Variants in ZNRF3 observed in about 807,000 individuals in gnomAD.
ZNRF3 encodes the protein E3 ubiquitin-protein ligase ZNRF3.
Under a neutral mutation model 72.5 loss-of-function variants are expected in ZNRF3, and 23 were observed. The observed-to-expected ratio is 0.32, with a 90% CI of 0.23 to 0.45. The LOEUF (loss-of-function observed/expected upper bound fraction) is 0.45. Ranked by LOEUF, ZNRF3 falls within the 20% of genes least tolerant of loss-of-function variation. The pLI is 1.00. For synonymous variants in ZNRF3, 610 were observed against 545.3 expected, an observed-to-expected ratio of 1.12 and a Z score of -1.65; for missense variants, 1,169 against 1,272.1, an observed-to-expected ratio of 0.92 and a Z score of 1.23.
At position 29,049,294 on chromosome 22, in the gene ZNRF3, C is replaced by G. The variant is rs745608644; in HGVS notation, c.1113C>G (p.Arg371=). The part of the protein sequence containing the change: ...RVTLPVHYPG[R]VHRTNAIPAY... ...CCCTGCCGGTGCATTACCCCGGCCG[C>G]GTGCACAGGACCAACGCCATCCCAG... is the stretch of plus-strand genomic sequence containing the variant. The change falls in exon 8 of 9, where the codon CGC becomes CGG. Residue 371 remains arginine, a synonymous_variant. Coordinates refer to ENST00000544604, the MANE Select transcript of ZNRF3 (RefSeq NM_001206998.2). This position sits in a 1 kb window ranked among gnomAD's most constrained non-coding sequence, Gnocchi z 5.2. The G allele has an allele frequency of 3.7e-6, 6 of 1,613,848 alleles. No individual in the cohort carries two copies. The highest frequency in any genetic ancestry group is 2.2e-5 in the East Asian group (1 of 44,878).
intron 4 of ZNRF3, 58 bp from the exon 5 acceptor site, chr22:29,044,722 G>A: frequency 1.7e-6 from 2 of 1,207,658 alleles, no homozygotes; most frequent in South Asian, 1.2e-5. Flanking sequence ...GATAGCCCAT[G>A]TGCCGCTTAC....
At chr22:29,040,214 C>T (rs2036936761) in intron 2 of ZNRF3, among the ~76,000 whole-genome samples, 1 of 151,630 alleles carries the variant, frequency 6.6e-6, no homozygotes, top group African/African-American at 2.4e-5. Flanking sequence ...GAGTCTCACT[C>T]TGTCGCCCAG....
chr22:28,907,706 C>T (rs1013770907), intron 1 of ZNRF3, among the ~76,000 whole-genome samples: 3 of 152,168 alleles, frequency 2.0e-5, no homozygotes, highest in Non-Finnish European at 2.9e-5. Flanking sequence ...TTCTCCACAC[C>T]CCTGTACCCC....
Position 28,995,527 on chromosome 22 carries a change from A to T in ZNRF3, c.426+8326A>T, listed in dbSNP as rs553029063. ...GTGATGGAGTGTGGTTGGTACTTAA[A>T]GGAAAAAGAACTCAGGAAGAATCCA... is the stretch of plus-strand genomic sequence containing the variant. On this transcript the variant is annotated intron_variant, in intron 2 of 8. Transcript: ENST00000544604. 2.0e-5 allele frequency among the ~76,000 whole-genome samples: 3 copies of T among 152,326 alleles called. No individual in the cohort carries two copies. In the South Asian group the frequency reaches 6.2e-4, roughly 32 times the overall value.
intron 3 of ZNRF3, among the ~76,000 whole-genome samples, chr22:29,042,998 C>T (rs1246926312): frequency 6.6e-6 from 1 of 152,054 alleles, no homozygotes; most frequent in African/African-American, 2.4e-5. Context: ...TGGTCTTGAA[C>T]TCTTGACCTT....
intron 2 of ZNRF3, among the ~76,000 whole-genome samples, chr22:29,023,265 G>A (rs185952338): frequency 1.9e-4 from 29 of 152,152 alleles, no homozygotes; most frequent in Non-Finnish European, 2.8e-4. Flanking sequence ...TACAGAAGTC[G>A]GGGCAGGGTT....
At chr22:29,053,182 C>G (rs536556648) in intron 8 of ZNRF3, among the ~76,000 whole-genome samples, 1 of 152,314 alleles carries the variant, frequency 6.6e-6, no homozygotes, top group Admixed American at 6.5e-5. Context: ...ACTCCAGCCC[C>G]CTCTGAGATC....
At chr22:29,018,281 T>C in intron 2 of ZNRF3, 1 of 251,628 alleles carries the variant, frequency 4.0e-6, no homozygotes. Flanking sequence ...CACTTGAAAA[T>C]GATTCTTTAT....
At chr22:29,015,099 A>C (rs2036410000) in intron 2 of ZNRF3, among the ~76,000 whole-genome samples, 1 of 151,940 alleles carries the variant, frequency 6.6e-6, no homozygotes, top group Admixed American at 6.5e-5. Flanking sequence ...CTGCTAAGAA[A>C]TAAAATGAAG....
chr22:28,944,616 G>A (rs528580587), intron 1 of ZNRF3, among the ~76,000 whole-genome samples: 273 of 152,228 alleles, frequency 1.8e-3, no homozygotes, highest in African/African-American at 6.1e-3. Context: ...TTAGCCGGGC[G>A]TGGTGGCGCA....
chr22:28,998,547 A>G (rs1405913237), intron 2 of ZNRF3, among the ~76,000 whole-genome samples: 1 of 152,236 alleles, frequency 6.6e-6, no homozygotes, highest in East Asian at 1.9e-4. Flanking sequence ...CAGATCAGAA[A>G]GAAAAGATTG....
intron 1 of ZNRF3, among the ~76,000 whole-genome samples, chr22:28,916,186 C>T (rs1279428289): frequency 6.6e-6 from 1 of 152,078 alleles, no homozygotes; most frequent in Non-Finnish European, 1.5e-5. Flanking sequence ...CTTAGCCTCC[C>T]GAGTAGCTGG....
chr22:28,908,803 T>A (rs1373413490), intron 1 of ZNRF3, among the ~76,000 whole-genome samples: 2 of 152,182 alleles, frequency 1.3e-5, no homozygotes, highest in Non-Finnish European at 2.9e-5. Flanking sequence ...GGTGATTAGA[T>A]TTGTCTGGGT....
intron 1 of ZNRF3, among the ~76,000 whole-genome samples, chr22:28,894,338 C>CT (rs139430): frequency 0.32 from 44,123 of 139,248 alleles, 7,587 homozygotes; most frequent in East Asian, 0.48. Flanking sequence ...AAAATACTGG[C>CT]TTTTTTTTTT....
intron 8 of ZNRF3, 71 bp from the exon 9 acceptor site, chr22:29,053,508 C>G (rs368866170): frequency 5.2e-5 from 79 of 1,517,906 alleles, no homozygotes; most frequent in Non-Finnish European, 6.6e-5. Context: ...ACAGGGCCAC[C>G]TGAGTCCCTT....
chr22:29,022,720 C>G (rs962292651), intron 2 of ZNRF3, among the ~76,000 whole-genome samples: 25 of 152,192 alleles, frequency 1.6e-4, no homozygotes, highest in African/African-American at 6.0e-4. Context: ...TACAGATACT[C>G]ACTTTAAAAT....
In ZNRF3 at chr22:29,053,632, G is replaced by C. The variant is rs1443150334; in HGVS notation, c.*10G>C. The stretch of plus-strand genomic sequence containing the variant: ...CAGCCCGGGAGCCTGAGCTCAGGAG[G>C]AACTCTTACCTGGAAATTGGGAACT... On this transcript the variant is annotated 3_prime_UTR_variant, in exon 9 of 9. Transcript: ENST00000544604. The C allele has an allele frequency of 1.2e-6, 2 of 1,612,414 alleles. No homozygotes were observed. Among genetic ancestry groups the C allele is most frequent in the South Asian group, 2.2e-5 (2 of 90,892 alleles).
chr22:28,947,735 G>C (rs754895281), intron 1 of ZNRF3, among the ~76,000 whole-genome samples: 1 of 152,186 alleles, frequency 6.6e-6, no homozygotes, highest in East Asian at 1.9e-4. Context: ...AATCATAAGG[G>C]TAGTTACACT....
At chr22:28,999,728 A>T (rs959582537) in intron 2 of ZNRF3, among the ~76,000 whole-genome samples, 4 of 152,240 alleles carry the variant, frequency 2.6e-5, no homozygotes, top group South Asian at 2.1e-4. Context: ...GTGACTGCAC[A>T]TGATTGGTTT....
Sources: allele counts gnomAD v4.1 joint callset (sites outside exome capture counted in the v4.1 genomes callset), GRCh38; gene constraint gnomAD v4.1.1; non-coding constraint Gnocchi (gnomAD v3.1); transcripts MANE v1.5; gene names NCBI Gene and HGNC (gene_info 2026-07-23, HGNC 2026-07-21).